The following PPP2R5A variants were observed in gnomAD, a reference collection of about 807,000 sequenced individuals.
PPP2R5A encodes serine/threonine-protein phosphatase 2A 56 kDa regulatory subunit alpha isoform.
Under a neutral mutation model 64.2 loss-of-function variants are expected in PPP2R5A, and 25 were observed. That is an observed-to-expected ratio of 0.39 (90% CI 0.28 to 0.54). PPP2R5A has a LOEUF of 0.54. Ranked by LOEUF, PPP2R5A falls within the 20% of genes least tolerant of loss-of-function variation. The pLI, the probability that PPP2R5A is intolerant of heterozygous loss-of-function variation, is 0.67. For missense variants in PPP2R5A, 425 were observed against 576.3 expected, an observed-to-expected ratio of 0.74 and a Z score of 2.69; for synonymous variants, 198 against 201.2, an observed-to-expected ratio of 0.98 and a Z score of 0.13.
At chr1:212,293,710 TG>T (rs1022743284) in intron 1 of PPP2R5A, among the ~76,000 whole-genome samples, 4 of 150,988 alleles carry the variant, frequency 2.6e-5, no homozygotes, top group African/African-American at 7.3e-5. Context: ...TTTTTTTTGG[TG>T]GGGGTAGTCT....
rs781137772 is a variant in PPP2R5A at position 212,286,062 on chromosome 1, C to T, written c.-49C>T. ...TCCTCCTGCCGTCTCCGCCGCTGCC[C>T]GTGCCTTGCAAGCAGCAGCCGGAGC... On this transcript the variant is annotated 5_prime_UTR_variant, in exon 1 of 13. Coordinates refer to ENST00000261461, the MANE Select transcript of PPP2R5A (RefSeq NM_006243.4). 1.4e-5 allele frequency: 21 copies of T among 1,479,904 alleles called. No individual in the cohort carries two copies. The South Asian group carries it at 1.8e-4, about 13-fold the overall frequency. 91.7% of individuals were successfully genotyped at this position (1,479,904 alleles called of 1,614,324 possible). A position where few individuals can be genotyped will look rare whatever the true frequency, so the allele number is the denominator to read the frequency against.
At chr1:212,286,486 G>A (rs767336793) in intron 1 of PPP2R5A, among the ~76,000 whole-genome samples, 195 bp downstream of exon 1, 1 of 152,198 alleles carries the variant, frequency 6.6e-6, no homozygotes, top group Non-Finnish European at 1.5e-5. Context: ...TGAAGTCTTG[G>A]CTGTTTCCTT....
intron 1 of PPP2R5A, among the ~76,000 whole-genome samples, chr1:212,307,893 GGA>G (rs1658951265): frequency 6.6e-6 from 1 of 152,148 alleles, no homozygotes; most frequent in Admixed American, 6.5e-5. Flanking sequence ...TGCCCAGGCT[GGA>G]GTGCAGTGGC....
At chr1:212,310,815 C>T (rs1659014992) in intron 1 of PPP2R5A, among the ~76,000 whole-genome samples, 1 of 152,160 alleles carries the variant, frequency 6.6e-6, no homozygotes, top group Non-Finnish European at 1.5e-5. Flanking sequence ...AACTTATCCT[C>T]AGCAACAATA....
At chr1:212,305,069 C>T (rs1489281078) in intron 1 of PPP2R5A, among the ~76,000 whole-genome samples, 6 of 138,562 alleles carry the variant, frequency 4.3e-5, no homozygotes, top group Admixed American at 7.3e-5. Context: ...GACGGAGTCT[C>T]GCTCTCTGTC....
At chr1:212,304,670 T>C (rs1658863214) in intron 1 of PPP2R5A, among the ~76,000 whole-genome samples, 1 of 152,022 alleles carries the variant, frequency 6.6e-6, no homozygotes, top group Admixed American at 6.6e-5. Context: ...AAAGGGATCC[T>C]TGTTGCCTAA....
intron 1 of PPP2R5A, among the ~76,000 whole-genome samples, chr1:212,312,101 C>A (rs1286764191): frequency 1.3e-5 from 2 of 152,218 alleles, no homozygotes; most frequent in East Asian, 3.9e-4. Flanking sequence ...ATTTTTAAAT[C>A]TTTTATACCA....
chr1:212,286,012 G>A lies in PPP2R5A; in HGVS notation c.-99G>A. The A allele has an allele frequency of 4.0e-6, 5 of 1,263,962 alleles. No individual in the cohort carries two copies. The South Asian group carries it at 5.5e-5, about 14-fold the overall frequency. The allele number at this position is 1,263,962 out of a possible 1,614,324, so 78.3% of individuals were successfully genotyped here. ...CCGTGGGGCCGGGGCGCAGGGGCGC[G>A]AGCACCCCGCGCCTCTCCCCCGCCT... is the stretch of plus-strand genomic sequence containing the variant. On this transcript the variant is annotated 5_prime_UTR_variant, in exon 1 of 13. Transcript: ENST00000261461.
intron 1 of PPP2R5A, among the ~76,000 whole-genome samples, chr1:212,292,201 A>G (rs1332777221): frequency 6.6e-6 from 1 of 152,122 alleles, no homozygotes; most frequent in Non-Finnish European, 1.5e-5. Flanking sequence ...GGGCAGTGAG[A>G]ACTCAGGGCT....
In PPP2R5A at chr1:212,291,370, C is replaced by T. The variant is rs351400; in HGVS notation, c.181+5079C>T. On this transcript the variant is annotated intron_variant, in intron 1 of 12. Transcript: ENST00000261461. ...GTTATGGGATTACAGGCGTGAGCCACTGCACCCGGCCTATACCTGGAGAGT... is the reference window on the plus strand; with the variant it reads ...GTTATGGGATTACAGGCGTGAGCCATTGCACCCGGCCTATACCTGGAGAGT... Among the ~76,000 whole-genome samples the T allele has an allele frequency of 3.6e-3, 553 of 152,306 alleles. 2 individuals carry two copies. Among genetic ancestry groups the T allele is most frequent in the African/African-American group, 0.013 (521 of 41,558 alleles).
intron 1 of PPP2R5A, 41 bp downstream of exon 1, chr1:212,286,332 C>G: frequency 7.0e-7 from 1 of 1,426,726 alleles, no homozygotes; most frequent in Non-Finnish European, 9.2e-7. Flanking sequence ...AGCGCAGGGG[C>G]TGGCAACGCT....
intron 5 of PPP2R5A, among the ~76,000 whole-genome samples, chr1:212,346,814 A>G (rs2102443568): frequency 6.6e-6 from 1 of 152,306 alleles, no homozygotes; most frequent in Middle Eastern, 3.4e-3. Flanking sequence ...TGCCTCCTCT[A>G]GAGTGAATAT....
In PPP2R5A at chr1:212,360,682, T is replaced by TA; in HGVS notation, c.1374dup (p.Glu459ArgfsTer14). 1.3e-6 allele frequency: 2 copies of TA among 1,593,670 alleles called. No homozygotes were observed. Among genetic ancestry groups the TA allele is most frequent in the Non-Finnish European group, 8.5e-7 (1 of 1,169,618 alleles). ...GAACGTGAAGAATTATGGAAAAAAT[T>TA]AGAGGAGCTAAAGCTAAAGAAAGCT... On this transcript the variant is annotated frameshift_variant, in exon 13 of 13. Transcript: ENST00000261461. LOFTEE classifies it high-confidence loss of function.
intron 7 of PPP2R5A, among the ~76,000 whole-genome samples, chr1:212,348,798 G>T (rs1246208460): frequency 1.3e-5 from 2 of 152,096 alleles, no homozygotes; most frequent in Non-Finnish European, 2.9e-5. Flanking sequence ...GTTTCTTCCA[G>T]CTGCAATAAC....
chr1:212,348,635 T>C, intron 7 of PPP2R5A, 138 bp downstream of exon 7: 1 of 642,538 alleles, frequency 1.6e-6, no homozygotes, highest in Non-Finnish European at 2.6e-6. Flanking sequence ...AAAGCAAATT[T>C]TTCTTATTTT....
chr1:212,329,103 ATT>A (rs1558148940), intron 1 of PPP2R5A, 30 bp from the exon 2 acceptor site: 1 of 1,398,882 alleles, frequency 7.1e-7, no homozygotes. Context: ...TGAGTAGGTT[ATT>A]TCTAAGTTTT....
intron 1 of PPP2R5A, among the ~76,000 whole-genome samples, chr1:212,324,638 T>C (rs977457779): frequency 6.6e-6 from 1 of 151,612 alleles, no homozygotes; most frequent in Non-Finnish European, 1.5e-5. Context: ...GTCTTCTTGC[T>C]CTGTCCCCCA....
At chr1:212,313,183 G>T (rs1444315550) in intron 1 of PPP2R5A, among the ~76,000 whole-genome samples, 2 of 152,104 alleles carry the variant, frequency 1.3e-5, no homozygotes, top group East Asian at 1.9e-4. Flanking sequence ...GTGGGGCTTT[G>T]TTTTCCTTCC....
At chr1:212,312,397 G>A (rs1160937666) in intron 1 of PPP2R5A, among the ~76,000 whole-genome samples, 1 of 152,114 alleles carries the variant, frequency 6.6e-6, no homozygotes, top group Non-Finnish European at 1.5e-5. Flanking sequence ...AGATATTCCT[G>A]AATAGATATT....
Sources: gnomAD v4.1 joint callset for allele counts (sites outside exome capture counted in the v4.1 genomes callset) on GRCh38, gnomAD v4.1.1 for gene constraint, MANE v1.5 for transcripts, NCBI Gene and HGNC (gene_info 2026-07-23, HGNC 2026-07-21) for gene names.